Variants in NMT2 observed in about 807,000 individuals in gnomAD.
NMT2 encodes the protein N-myristoyltransferase 2, also known as glycylpeptide N-tetradecanoyltransferase 2.
NMT2 carries 35 observed loss-of-function variants against 65.4 expected under a neutral mutation model. The observed-to-expected ratio is 0.54, with a 90% CI of 0.41 to 0.71. NMT2 has a LOEUF of 0.71. Ranked by LOEUF, NMT2 falls within the 30% of genes least tolerant of loss-of-function variation. NMT2 has a pLI of 0.00. For missense variants in NMT2, 489 were observed against 611.3 expected (o/e 0.80, Z 2.11); for synonymous variants, 226 against 231.8 (o/e 0.98, Z 0.23).
At chr10:15,130,113 G>T in intron 7 of NMT2, 29 bp downstream of exon 7, 1 of 1,419,926 alleles carries the variant, frequency 7.0e-7, no homozygotes, top group South Asian at 1.8e-5. Context: ...ATAAAGGGAG[G>T]ACCTGAGGTA....
At position 15,107,748 on chromosome 10, in the gene NMT2, C is replaced by T. The variant is rs954504802; in HGVS notation, c.*1447G>A. The T allele has an allele frequency of 2.0e-6, 2 of 984,266 alleles. No homozygotes were observed. The highest frequency in any genetic ancestry group is 2.4e-6 in the Non-Finnish European group (2 of 829,634). 61.0% of individuals were successfully genotyped at this position (984,266 alleles called of 1,614,324 possible). ...GGGATTACAGGCGTGAGCCACCACA[C>T]CCAGCCAAGGCATCTACTTTGTGGT... is the stretch of plus-strand genomic sequence containing the variant. On this transcript the variant is annotated 3_prime_UTR_variant, in exon 12 of 12. Coordinates refer to ENST00000378165, the MANE Select transcript of NMT2 (RefSeq NM_004808.3).
Position 15,106,045 on chromosome 10 carries a change from A to C in NMT2, c.*3150T>G. The C allele has an allele frequency of 5.0e-6, 2 of 402,104 alleles. No individual in the cohort carries two copies. The highest frequency in any genetic ancestry group is 3.5e-5 in the South Asian group (2 of 57,312). The allele number at this position is 402,104 out of a possible 1,614,324, so 24.9% of individuals were successfully genotyped here. On this transcript the variant is annotated 3_prime_UTR_variant, in exon 12 of 12. Coordinates refer to ENST00000378165, the MANE Select transcript of NMT2 (RefSeq NM_004808.3). ...AGTCTCACTCTGTTGCCCAGGCTGGAGTGCAGTGGTGTGATCCCGGCTCAC... is the reference window on the plus strand; with the variant it reads ...AGTCTCACTCTGTTGCCCAGGCTGGCGTGCAGTGGTGTGATCCCGGCTCAC...
chr10:15,111,242 G>GGCTCA (rs1202275916), intron 10 of NMT2, among the ~76,000 whole-genome samples: 3 of 152,002 alleles, frequency 2.0e-5, no homozygotes, highest in African/African-American at 7.2e-5. Context: ...CGGGCGTGGT[G>GGCTCA]GCTCACGCCT....
intron 8 of NMT2, among the ~76,000 whole-genome samples, chr10:15,125,513 T>C (rs1472653271): frequency 3.3e-5 from 5 of 152,210 alleles, no homozygotes; most frequent in African/African-American, 1.2e-4. Context: ...TACATGTAAG[T>C]GTGTCTTTTC....
intron 1 of NMT2, among the ~76,000 whole-genome samples, chr10:15,155,668 C>T (rs7099613): frequency 0.12 from 18,006 of 151,120 alleles, 3,063 homozygotes; most frequent in African/African-American, 0.38. Flanking sequence ...TAGACATGAG[C>T]CACTGCACCT....
chr10:15,158,173 G>A (rs148717971), intron 1 of NMT2, among the ~76,000 whole-genome samples: 2,186 of 152,120 alleles, frequency 0.014, 52 homozygotes, highest in African/African-American at 0.049. Context: ...AAAATTAGCC[G>A]GGCATGGTGG....
At chr10:15,164,657 A>G (rs184117129) in intron 1 of NMT2, among the ~76,000 whole-genome samples, 21 of 152,342 alleles carry the variant, frequency 1.4e-4, no homozygotes, top group African/African-American at 4.1e-4. Flanking sequence ...AGAAAGTAAC[A>G]GAAGGCAAAA....
At chr10:15,153,083 T>C (rs1410433137) in intron 1 of NMT2, among the ~76,000 whole-genome samples, 1 of 151,924 alleles carries the variant, frequency 6.6e-6, no homozygotes, top group Non-Finnish European at 1.5e-5. Context: ...AACAGCTCTC[T>C]CTATATATAG....
rs1218551977 is a variant in NMT2, at chr10:15,108,667, C to T, written c.*528G>A. On this transcript the variant is annotated 3_prime_UTR_variant, in exon 12 of 12. Transcript: ENST00000378165. ...ATATTGCTCTGCACTTAAACAACCA[C>T]CACCTGTCACTGAGCTACAGAAGTG... The T allele has an allele frequency of 5.0e-6, 5 of 990,264 alleles. No homozygotes were observed. The highest frequency in any genetic ancestry group is 4.8e-6 in the Non-Finnish European group (4 of 833,546). The allele number at this position is 990,264 out of a possible 1,614,324, so 61.3% of individuals were successfully genotyped here.
At chr10:15,144,926 T>C (rs1234082188) in intron 1 of NMT2, among the ~76,000 whole-genome samples, 4 of 152,188 alleles carry the variant, frequency 2.6e-5, no homozygotes, top group Admixed American at 1.3e-4. Context: ...TGAAAACTTA[T>C]GTCCACACAG....
intron 1 of NMT2, among the ~76,000 whole-genome samples, chr10:15,143,426 C>G (rs1028336503): frequency 3.3e-5 from 5 of 152,186 alleles, no homozygotes; most frequent in African/African-American, 1.2e-4. Context: ...TATAATACTT[C>G]CACTTTAAAA....
chr10:15,114,848 A>G (rs1399312474), intron 9 of NMT2, among the ~76,000 whole-genome samples: 2 of 152,164 alleles, frequency 1.3e-5, no homozygotes, highest in African/African-American at 4.8e-5. Flanking sequence ...ACTAAAATAC[A>G]AAACATTAGC....
intron 3 of NMT2, among the ~76,000 whole-genome samples, chr10:15,134,639 G>A (rs1322986531): frequency 6.6e-6 from 1 of 152,152 alleles, no homozygotes; most frequent in Middle Eastern, 3.4e-3. Context: ...GCTCCATGAG[G>A]GACCTTCAGG....
intron 1 of NMT2, among the ~76,000 whole-genome samples, chr10:15,165,689 C>A (rs1233550005): frequency 1.3e-5 from 2 of 151,990 alleles, no homozygotes; most frequent in African/African-American, 4.8e-5. Context: ...ACCAGCCTGG[C>A]AAACATGGTG....
Position 15,168,629 on chromosome 10 carries a change from G to A in NMT2, c.-17C>T, listed in dbSNP as rs756366539. 1.1e-5 allele frequency: 17 copies of A among 1,568,556 alleles called. No homozygotes were observed. The highest frequency in any genetic ancestry group is 5.6e-5 in the African/African-American group (4 of 71,236). ...CTCCGCCATCGCGGCGGCGCTGGCTGGGGAGGCGGTGCTCGGGGCCGGGCC... is the reference window on the plus strand; with the variant it reads ...CTCCGCCATCGCGGCGGCGCTGGCTAGGGAGGCGGTGCTCGGGGCCGGGCC... On this transcript the variant is annotated 5_prime_UTR_variant, in exon 1 of 12. Coordinates refer to ENST00000378165, the MANE Select transcript of NMT2 (RefSeq NM_004808.3).
At chr10:15,149,550 CCAT>C (rs1282465605) in intron 1 of NMT2, among the ~76,000 whole-genome samples, 62 of 67,978 alleles carry the variant, frequency 9.1e-4, no homozygotes, top group Non-Finnish European at 1.3e-3. Context: ...ACCATCACCA[CCAT>C]CATCACCAAC....
rs778584904 is a variant in NMT2, at chr10:15,130,242, C to T, written c.790G>A (p.Val264Met). 1.2e-6 allele frequency: 2 copies of T among 1,609,322 alleles called. No individual in the cohort carries two copies. The highest frequency in any genetic ancestry group is 2.7e-5 in the African/African-American group (2 of 74,844). Residue 264 changes from valine to methionine, a missense_variant, in exon 7 of 12, where the codon GTG becomes ATG. Transcript: ENST00000378165. ...KKLRSKRVAP[V>M]LIREITRRVN... Reference sequence around the variant, plus strand: ...CTTCTAGTGATCTCTCGGATTAGCACTGGGGCTACCCGTTTCGATCTCAAC... The same window carrying T: ...CTTCTAGTGATCTCTCGGATTAGCATTGGGGCTACCCGTTTCGATCTCAAC...
At position 15,116,491 on chromosome 10, in the gene NMT2, G is replaced by A. The variant is rs1444180899; in HGVS notation, c.1170+2852C>T. ...AGTAACAGGGAAAGGTCTCAAGTCAGTAAGTTCTTCCCTCAAGGAACTAGA... is the reference window on the plus strand; with the variant it reads ...AGTAACAGGGAAAGGTCTCAAGTCAATAAGTTCTTCCCTCAAGGAACTAGA... On this transcript the variant is annotated intron_variant, in intron 9 of 11. Transcript: ENST00000378165. Among the ~76,000 whole-genome samples, 4 of 152,118 alleles carry A rather than the reference G, an allele frequency of 2.6e-5. 1 individual carries two copies. The highest frequency in any genetic ancestry group is 5.9e-5 in the Non-Finnish European group (4 of 68,016).
At chr10:15,156,420 C>G (rs529466686) in intron 1 of NMT2, among the ~76,000 whole-genome samples, 1 of 152,274 alleles carries the variant, frequency 6.6e-6, no homozygotes, top group East Asian at 1.9e-4. Flanking sequence ...GTCAATTAAA[C>G]CTCTTCCTTT....
Sources: allele counts gnomAD v4.1 joint callset (sites outside exome capture counted in the v4.1 genomes callset), GRCh38; gene constraint gnomAD v4.1.1; transcripts MANE v1.5; gene names NCBI Gene and HGNC (gene_info 2026-07-23, HGNC 2026-07-21).